DHX37: variants seen among roughly 807,000 people sequenced by gnomAD.
DHX37 encodes probable ATP-dependent RNA helicase DHX37.
A neutral mutation model predicts 134.3 loss-of-function variants in DHX37; 52 were observed. That is an observed-to-expected ratio of 0.39 (90% CI 0.31 to 0.49). The LOEUF (loss-of-function observed/expected upper bound fraction) is 0.49, where lower values mean the gene tolerates loss of function less well. Ranked by LOEUF, DHX37 falls within the 20% of genes least tolerant of loss-of-function variation. DHX37 has a pLI of 0.93. For synonymous variants in DHX37, 634 were observed against 670.7 expected (o/e 0.95, Z 0.85); for missense variants, 1,344 against 1,580.8 (o/e 0.85, Z 2.54).
In DHX37 at chr12:124,977,335, C is replaced by T. The variant is rs750359382; in HGVS notation, c.887+7G>A. 6.5e-7 allele frequency: 1 copy of T among 1,543,054 alleles called. No individual in the cohort carries two copies. On this transcript the variant is annotated splice_region_variant and intron_variant, in intron 5 of 26. Coordinates refer to ENST00000308736, the MANE Select transcript of DHX37 (RefSeq NM_032656.4). Reference sequence around the variant, plus strand: ...GACCCAGAGAGAACCCTGTGTCCAGCCCCTACCTGCTGAAGCCTGCTTCAT... The same window carrying T: ...GACCCAGAGAGAACCCTGTGTCCAGTCCCTACCTGCTGAAGCCTGCTTCAT...
chr12:124,970,308 A>G (rs529622783), intron 8 of DHX37, among the ~76,000 whole-genome samples: 5 of 152,232 alleles, frequency 3.3e-5, no homozygotes, highest in African/African-American at 4.8e-5. Flanking sequence ...GTGACAAAAT[A>G]TAAAACTGTG....
At chr12:124,964,264 A>G (rs948466857) in intron 15 of DHX37, 130 bp downstream of exon 15, 2 of 1,434,168 alleles carry the variant, frequency 1.4e-6, no homozygotes, top group African/African-American at 2.9e-5. Flanking sequence ...GAGCACCCCA[A>G]AGTCACAGGG....
chr12:124,965,816 C>T lies in DHX37; in HGVS notation c.1591-4G>A, dbSNP rs375358770. ...CCAAGTTGATCTGGGGCAGCACCTACGGCGAACAAGACATAGACACCTGGG... is the reference window on the plus strand; with the variant it reads ...CCAAGTTGATCTGGGGCAGCACCTATGGCGAACAAGACATAGACACCTGGG... On this transcript the variant is annotated splice_region_variant and splice_polypyrimidine_tract_variant and intron_variant, in intron 12 of 26. Coordinates refer to ENST00000308736, the MANE Select transcript of DHX37 (RefSeq NM_032656.4). 2.0e-5 allele frequency: 32 copies of T among 1,612,354 alleles called. No homozygotes were observed. Among genetic ancestry groups the T allele is most frequent in the South Asian group, 8.8e-5 (8 of 90,730 alleles).
chr12:124,948,439 G>T, intron 25 of DHX37: 1 of 604,878 alleles, frequency 1.7e-6, no homozygotes, highest in Non-Finnish European at 2.8e-6. Context: ...AACAGGGCAA[G>T]AACTTGTCTC....
intron 2 of DHX37, among the ~76,000 whole-genome samples, chr12:124,984,511 C>G (rs1333261515): frequency 6.6e-6 from 1 of 151,722 alleles, no homozygotes; most frequent in Non-Finnish European, 1.5e-5. Flanking sequence ...CCAGCCTGGG[C>G]AACAAGAGCA....
Position 124,948,078 on chromosome 12 carries a change from A to T in DHX37, c.3388+6T>A, listed in dbSNP as rs559723287. 3.7e-6 allele frequency: 6 copies of T among 1,614,164 alleles called. No homozygotes were observed. Among genetic ancestry groups the T allele is most frequent in the South Asian group, 2.2e-5 (2 of 91,080 alleles). On this transcript the variant is annotated splice_donor_region_variant and intron_variant, in intron 26 of 26. Coordinates refer to ENST00000308736, the MANE Select transcript of DHX37 (RefSeq NM_032656.4). Reference sequence around the variant, plus strand: ...ACTCCCACCCCCTGGCCCTGGTCAAACTCACATTTGGGGTTTTTCTTCCAA... The same window carrying T: ...ACTCCCACCCCCTGGCCCTGGTCAATCTCACATTTGGGGTTTTTCTTCCAA...
intron 1 of DHX37, 35 bp downstream of exon 1, chr12:124,988,882 C>A: frequency 7.8e-7 from 1 of 1,281,566 alleles, no homozygotes; most frequent in African/African-American, 1.5e-5. Flanking sequence ...CCTGGGAAAT[C>A]TCCGAAATCC....
At position 124,950,714 on chromosome 12, in the gene DHX37, C is replaced by G. The variant is rs1953961332; in HGVS notation, c.2959G>C (p.Glu987Gln). The G allele has an allele frequency of 1.9e-6, 3 of 1,611,770 alleles. No homozygotes were observed. Among genetic ancestry groups the G allele is most frequent in the Non-Finnish European group, 2.5e-6 (3 of 1,179,294 alleles). The change falls in exon 22 of 27, where the codon GAG becomes CAG. Residue 987 changes from glutamate (E) to glutamine (Q), a missense_variant. Around this residue, in one of 7 missense-constraint regions of DHX37, gnomAD observed 558 missense variants for 650.0 expected, o/e 0.86. Coordinates refer to ENST00000308736, the MANE Select transcript of DHX37 (RefSeq NM_032656.4). ...CCTTTCATGTACATCTTAGTGGTCT[C>G]CACGATTTCCTGGTAGACCACAAAC... Reference protein sequence around the residue: ...PEFVVYQEIVETTKMYMKGVS... With the variant: ...PEFVVYQEIVQTTKMYMKGVS...
intron 21 of DHX37, 27 bp downstream of exon 21, chr12:124,952,371 C>T (rs765281640): frequency 2.3e-5 from 37 of 1,585,466 alleles, no homozygotes; most frequent in African/African-American, 5.4e-5. Flanking sequence ...CCAAGCTACC[C>T]GGGCAGGGAG....
At chr12:124,966,913 G>C in intron 11 of DHX37, 35 bp from the exon 12 acceptor site, 1 of 1,613,342 alleles carries the variant, frequency 6.2e-7, no homozygotes, top group Non-Finnish European at 8.5e-7. Flanking sequence ...AAAGGCGTCT[G>C]TGGCCGGCGT....
At chr12:124,984,726 G>T (rs984923978) in intron 2 of DHX37, among the ~76,000 whole-genome samples, 1 of 152,070 alleles carries the variant, frequency 6.6e-6, no homozygotes. Context: ...TGGTATTCTG[G>T]TCATTTTTAA....
chr12:124,950,584 G>A lies in DHX37; in HGVS notation c.2984-34C>T, dbSNP rs776433771. Reference sequence around the variant, plus strand: ...CGGGGGAGGAAGCTGGGGTTACAGCGGCACCCTCCGTGGGAGGGGCTGCCA... The same window carrying A: ...CGGGGGAGGAAGCTGGGGTTACAGCAGCACCCTCCGTGGGAGGGGCTGCCA... On this transcript the variant is annotated intron_variant, in intron 22 of 26. Transcript: ENST00000308736. 47 of 1,547,746 alleles carry A rather than the reference G, an allele frequency of 3.0e-5. 1 individual carries two copies. Among genetic ancestry groups the A allele is most frequent in the South Asian group, 2.7e-4 (22 of 80,948 alleles).
At chr12:124,969,964 A>G (rs1954480831) in intron 8 of DHX37, among the ~76,000 whole-genome samples, 1 of 151,870 alleles carries the variant, frequency 6.6e-6, no homozygotes, top group Admixed American at 6.6e-5. Context: ...CATAAAAGGC[A>G]CAGCGTTTCT....
chr12:124,986,041 C>A, intron 2 of DHX37, 55 bp downstream of exon 2: 1 of 1,577,510 alleles, frequency 6.3e-7, no homozygotes, highest in Admixed American at 1.8e-5. Context: ...GAGAGACCCC[C>A]CATCTCTCTC....
chr12:124,979,559 A>G (rs529187062), intron 4 of DHX37, among the ~76,000 whole-genome samples: 19 of 152,368 alleles, frequency 1.2e-4, no homozygotes, highest in African/African-American at 4.6e-4. Flanking sequence ...GCTGAGTAAC[A>G]AAAAAGCAAA....
chr12:124,969,271 T>A (rs1360889571), intron 8 of DHX37, among the ~76,000 whole-genome samples: 1 of 152,054 alleles, frequency 6.6e-6, no homozygotes, highest in Non-Finnish European at 1.5e-5. Flanking sequence ...TGACTGAGTG[T>A]CTGTGCCGGG....
In DHX37 at chr12:124,982,598, C is replaced by T. The variant is rs757394335; in HGVS notation, c.302G>A (p.Ser101Asn). Residue 101 changes from serine (S) to asparagine (N), a missense_variant, in exon 3 of 27, where the codon AGT becomes AAT. By Grantham distance (46) the Ser-to-Asn change is conservative. This residue lies in a region of DHX37 where 319 missense variants were observed against 296.1 expected (regional missense o/e 1.08). Transcript: ENST00000308736. ...CTCAGCTTCGGAAGCCTGGACTTCA[C>T]TCAGCTTCTGTAGCATCTCTGCTCG... is the stretch of plus-strand genomic sequence containing the variant. The part of the protein sequence containing the change: ...SQRAEMLQKL[S>N]EVQASEAEMR... 2.5e-5 allele frequency: 41 copies of T among 1,613,594 alleles called. No individual in the cohort carries two copies. Among genetic ancestry groups the T allele is most frequent in the South Asian group, 2.0e-4 (18 of 91,072 alleles).
rs372801369 is a variant in DHX37 at position 124,952,485 on chromosome 12, C to G, written c.2781G>C (p.Gln927His). Residue 927 changes from glutamine to histidine, a missense_variant, in exon 21 of 27, where the codon CAG becomes CAC. Coordinates refer to ENST00000308736, the MANE Select transcript of DHX37 (RefSeq NM_032656.4). ...PTESQVTYLR[Q>H]IVTAGLGDHL... ...GGTCCCCCAGGCCTGCCGTCACGAT[C>G]TGTCGCAGGTAGGTCACCTGGCTCT... The G allele has an allele frequency of 3.7e-6, 6 of 1,611,854 alleles. No individual in the cohort carries two copies. The highest frequency in any genetic ancestry group is 5.1e-6 in the Non-Finnish European group (6 of 1,179,088).
intron 20 of DHX37, 151 bp from the exon 21 acceptor site, chr12:124,952,721 A>C: frequency 4.2e-6 from 3 of 712,870 alleles, no homozygotes; most frequent in South Asian, 4.8e-5. Context: ...GCAGGACCCA[A>C]AGCCCCCAGC....
Sources: allele counts gnomAD v4.1 joint callset (sites outside exome capture counted in the v4.1 genomes callset), GRCh38; gene constraint gnomAD v4.1.1; regional missense constraint gnomAD v4.1.1; transcripts MANE v1.5; gene names NCBI Gene and HGNC (gene_info 2026-07-23, HGNC 2026-07-21).